KIF13A: variants seen among roughly 807,000 people sequenced by gnomAD.
KIF13A encodes kinesin family member 13A.
In KIF13A, 79 loss-of-function variants were observed where a neutral mutation model predicts 212.2. That is an observed-to-expected ratio of 0.37 (90% CI 0.31 to 0.45). The LOEUF (loss-of-function observed/expected upper bound fraction) is 0.45, where lower values mean the gene tolerates loss of function less well. KIF13A is among the 20% of genes least tolerant of loss of function. KIF13A has a pLI of 1.00. For missense variants in KIF13A, 1,901 were observed against 2,209.0 expected (o/e 0.86, Z 2.79); for synonymous variants, 789 against 808.6 (o/e 0.98, Z 0.41).
rs942791978 is a variant in KIF13A at position 17,895,678 on chromosome 6, C to T, written c.159+2490G>A. Among the ~76,000 whole-genome samples, 1 of 152,198 alleles carries T rather than the reference C, an allele frequency of 6.6e-6. No homozygotes were observed. The highest frequency in any genetic ancestry group is 1.5e-5 in the Non-Finnish European group (1 of 68,036). ...GCCCCACAAAGCAGTCAGCAATATGCATTTGCTCTGTCTTTAAGCCGCTCC... is the reference window on the plus strand; with the variant it reads ...GCCCCACAAAGCAGTCAGCAATATGTATTTGCTCTGTCTTTAAGCCGCTCC... On this transcript the variant is annotated intron_variant, in intron 3 of 38. Transcript: ENST00000259711. This position sits in a 1 kb window ranked among gnomAD's most constrained non-coding sequence, Gnocchi z 4.4.
rs1203759872 is a variant in KIF13A, at chr6:17,919,439, T to C, written c.147-21259A>G. The stretch of plus-strand genomic sequence containing the variant: ...AACTTAGGGAAACAAACTAGCAGAT[T>C]ATAAATTTCCAAAGGGCTCATCTAA... On this transcript the variant is annotated intron_variant, in intron 2 of 38. Coordinates refer to ENST00000259711, the MANE Select transcript of KIF13A (RefSeq NM_022113.6). This position sits in a 1 kb window ranked among gnomAD's most constrained non-coding sequence, Gnocchi z 4.1. 2.0e-5 allele frequency among the ~76,000 whole-genome samples: 3 copies of C among 152,222 alleles called. No individual in the cohort carries two copies. Among genetic ancestry groups the C allele is most frequent in the Non-Finnish European group, 4.4e-5 (3 of 68,038 alleles).
rs1241862677 is a variant in KIF13A, at chr6:17,804,608, A to C, written c.2305-98T>G. On this transcript the variant is annotated intron_variant, in intron 19 of 38. Transcript: ENST00000259711. ...CTAGCATTTGAAAAAAAATTTAAAGAATCTATCCATTTAAACAGCAAGTAA... is the reference window on the plus strand; with the variant it reads ...CTAGCATTTGAAAAAAAATTTAAAGCATCTATCCATTTAAACAGCAAGTAA... 9 of 1,167,910 alleles carry C rather than the reference A, an allele frequency of 7.7e-6. No homozygotes were observed. The African/African-American group carries it at 1.2e-4, about 16-fold the overall frequency. 72.3% of individuals were successfully genotyped at this position (1,167,910 alleles called of 1,614,324 possible).
rs1337999393 is a variant in KIF13A, at chr6:17,828,165, A to G, written c.1532+75T>C. The G allele has an allele frequency of 3.4e-6, 5 of 1,470,276 alleles. No homozygotes were observed. The highest frequency in any genetic ancestry group is 4.6e-6 in the Non-Finnish European group (5 of 1,084,958). 91.1% of individuals were successfully genotyped at this position (1,470,276 alleles called of 1,614,324 possible). A position where few individuals can be genotyped will look rare whatever the true frequency, so the allele number is the denominator to read the frequency against. On this transcript the variant is annotated intron_variant, in intron 14 of 38. Transcript: ENST00000259711. The surrounding 1 kb of genome is among the most constrained non-coding windows in gnomAD (Gnocchi z 4.3). Reference sequence around the variant, plus strand: ...CTTAACTTTAATATAGCTGAAAGCAAACAGAAAGAGGCAGCCTTCTCCTTC... The same window carrying G: ...CTTAACTTTAATATAGCTGAAAGCAGACAGAAAGAGGCAGCCTTCTCCTTC...
chr6:17,984,179 A>C lies in KIF13A; in HGVS notation c.146+2875T>G, dbSNP rs1251661365. ...AATTATGTGGTTCATGAAATGGCAA[A>C]AGTATACACCAGCGTAATTTACCAC... On this transcript the variant is annotated intron_variant, in intron 2 of 38. Transcript: ENST00000259711. The surrounding 1 kb of genome is among the most constrained non-coding windows in gnomAD (Gnocchi z 5.0). 6.6e-6 allele frequency among the ~76,000 whole-genome samples: 1 copy of C among 152,168 alleles called. No individual in the cohort carries two copies. Among genetic ancestry groups the C allele is most frequent in the Non-Finnish European group, 1.5e-5 (1 of 68,032 alleles).
At chr6:17,931,701 G>A (rs1775999531) in intron 2 of KIF13A, among the ~76,000 whole-genome samples, 1 of 152,074 alleles carries the variant, frequency 6.6e-6, no homozygotes, top group African/African-American at 2.4e-5. Flanking sequence ...AAGCTCTGTG[G>A]TCATAAATGA....
chr6:17,906,151 C>T (rs1465893661), intron 2 of KIF13A, among the ~76,000 whole-genome samples: 2 of 152,138 alleles, frequency 1.3e-5, no homozygotes, highest in Non-Finnish European at 2.9e-5. Flanking sequence ...ATCAAACCTA[C>T]AATCACTACA....
chr6:17,869,891 C>T (rs949769622), intron 4 of KIF13A, among the ~76,000 whole-genome samples: 9 of 152,160 alleles, frequency 5.9e-5, no homozygotes, highest in South Asian at 2.1e-4. Flanking sequence ...CATTATTCAT[C>T]GAGCCTGACA....
At chr6:17,846,604 T>TA (rs11431431) in intron 9 of KIF13A, among the ~76,000 whole-genome samples, 46,186 of 126,154 alleles carry the variant, frequency 0.37, 8,412 homozygotes, top group East Asian at 0.55. Flanking sequence ...CCCATTTCTT[T>TA]AAAAAAAAAA....
Position 17,800,130 on chromosome 6 carries a change from G to T in KIF13A, c.2455-17C>A. The T allele has an allele frequency of 6.2e-7, 1 of 1,610,092 alleles. No homozygotes were observed. Among genetic ancestry groups the T allele is most frequent in the South Asian group, 1.1e-5 (1 of 90,684 alleles). On this transcript the variant is annotated splice_polypyrimidine_tract_variant and intron_variant, in intron 20 of 38. Transcript: ENST00000259711. ...CCCTGCAACCTGGGTCAAGGAACCA[G>T]AGCACCTTAGAGTGAACAGACATCC...
At chr6:17,942,335 A>AATATAT (rs10599616) in intron 2 of KIF13A, among the ~76,000 whole-genome samples, 131 of 145,614 alleles carry the variant, frequency 9.0e-4, no homozygotes, top group African/African-American at 1.2e-3. Flanking sequence ...AACAACAACA[A>AATATAT]ATATATATAT....
Position 17,796,826 on chromosome 6 carries a change from A to G in KIF13A, c.2791-6T>C. The G allele has an allele frequency of 6.7e-7, 1 of 1,491,404 alleles. No individual in the cohort carries two copies. Among genetic ancestry groups the G allele is most frequent in the Non-Finnish European group, 9.0e-7 (1 of 1,114,984 alleles). 92.4% of individuals were successfully genotyped at this position (1,491,404 alleles called of 1,614,324 possible). A position where few individuals can be genotyped will look rare whatever the true frequency, so the allele number is the denominator to read the frequency against. On this transcript the variant is annotated splice_polypyrimidine_tract_variant and splice_region_variant and intron_variant, in intron 22 of 38. Coordinates refer to ENST00000259711, the MANE Select transcript of KIF13A (RefSeq NM_022113.6). Reference sequence around the variant, plus strand: ...GTTACATTCACCACATAGTCCTGGGATAAGTGGGGGAAAGCAAAAGAATTA... The same window carrying G: ...GTTACATTCACCACATAGTCCTGGGGTAAGTGGGGGAAAGCAAAAGAATTA...
At chr6:17,956,071 C>T (rs1337846354) in intron 2 of KIF13A, among the ~76,000 whole-genome samples, 2 of 152,140 alleles carry the variant, frequency 1.3e-5, no homozygotes, top group African/African-American at 4.8e-5. Context: ...AGCAAAGCAA[C>T]GGACTTAGGT....
chr6:17,808,767 C>T lies in KIF13A; in HGVS notation c.2163+1G>A. 6.2e-7 allele frequency: 1 copy of T among 1,609,628 alleles called. No individual in the cohort carries two copies. Among genetic ancestry groups the T allele is most frequent in the Non-Finnish European group, 8.5e-7 (1 of 1,178,284 alleles). On this transcript the variant is annotated splice_donor_variant, in intron 18 of 38. Coordinates refer to ENST00000259711, the MANE Select transcript of KIF13A (RefSeq NM_022113.6). LOFTEE classifies it high-confidence loss of function. ...CCCTCTCACTTGAAGGACATTCTTA[C>T]CTTCCTATTGGCACTGAGGTTTGCA...
chr6:17,923,644 T>C lies in KIF13A; in HGVS notation c.147-25464A>G, dbSNP rs1267949361. 3.9e-5 allele frequency among the ~76,000 whole-genome samples: 6 copies of C among 152,088 alleles called. No homozygotes were observed. The East Asian group carries it at 1.2e-3, about 29-fold the overall frequency. On this transcript the variant is annotated intron_variant, in intron 2 of 38. Transcript: ENST00000259711. ...CAATTACTGCATTAAGAAACATACATTTTCAAATGACACTTAAGATAAATG... is the reference window on the plus strand; with the variant it reads ...CAATTACTGCATTAAGAAACATACACTTTCAAATGACACTTAAGATAAATG...
chr6:17,845,793 GGCAGTAGGCCAC>G (rs531727657), intron 9 of KIF13A, among the ~76,000 whole-genome samples: 15 of 152,210 alleles, frequency 9.9e-5, no homozygotes, highest in Non-Finnish European at 1.8e-4. Flanking sequence ...AACACTCCCT[GGCAGTAGGCCAC>G]GCAGTGTCTT....
chr6:17,805,588 T>A lies in KIF13A; in HGVS notation c.2191A>T (p.Ile731Phe), dbSNP rs1427947280. Reference sequence around the variant, plus strand: ...CTCTTTCCTTTCCTCCTCACTTGGATAGCTGGTTCACTCACTATTGCACCT... The same window carrying A: ...CTCTTTCCTTTCCTCCTCACTTGGAAAGCTGGTTCACTCACTATTGCACCT... ...KRGAIVSEPA[I>F]QVRRKGKSTQ... The change falls in exon 19 of 39, where the codon ATC (isoleucine) becomes TTC (phenylalanine). Residue 731 changes from isoleucine (I) to phenylalanine (F), a missense_variant. Ile to Phe is a conservative substitution (Grantham distance 21). Coordinates refer to ENST00000259711, the MANE Select transcript of KIF13A (RefSeq NM_022113.6). 1.2e-6 allele frequency: 2 copies of A among 1,610,836 alleles called. No individual in the cohort carries two copies. The highest frequency in any genetic ancestry group is 1.7e-6 in the Non-Finnish European group (2 of 1,177,976).
chr6:17,796,833 G>A lies in KIF13A; in HGVS notation c.2791-13C>T, dbSNP rs186241642. The A allele has an allele frequency of 8.9e-4, 1,304 of 1,467,210 alleles. 1 individual carries two copies. The highest frequency in any genetic ancestry group is 1.1e-3 in the Non-Finnish European group (1,224 of 1,100,728). 90.9% of individuals were successfully genotyped at this position (1,467,210 alleles called of 1,614,324 possible). Reference sequence around the variant, plus strand: ...TCACCACATAGTCCTGGGATAAGTGGGGGAAAGCAAAAGAATTATGCTTAA... The same window carrying A: ...TCACCACATAGTCCTGGGATAAGTGAGGGAAAGCAAAAGAATTATGCTTAA... On this transcript the variant is annotated splice_polypyrimidine_tract_variant and intron_variant, in intron 22 of 38. Coordinates refer to ENST00000259711, the MANE Select transcript of KIF13A (RefSeq NM_022113.6).
chr6:17,830,503 G>A (rs1220715363), intron 13 of KIF13A, among the ~76,000 whole-genome samples: 2 of 152,140 alleles, frequency 1.3e-5, no homozygotes, highest in African/African-American at 4.8e-5. Flanking sequence ...GAAAATTTGA[G>A]AAATGCTACA....
At position 17,787,751 on chromosome 6, in the gene KIF13A, C is replaced by CA; in HGVS notation, c.3361+24dup. 1 of 1,356,332 alleles carries CA rather than the reference C, an allele frequency of 7.4e-7. No individual in the cohort carries two copies. The highest frequency in any genetic ancestry group is 1.1e-6 in the Non-Finnish European group (1 of 945,144). 84.0% of individuals were successfully genotyped at this position (1,356,332 alleles called of 1,614,324 possible). A position where few individuals can be genotyped will look rare whatever the true frequency, so the allele number is the denominator to read the frequency against. On this transcript the variant is annotated intron_variant, in intron 27 of 38. Transcript: ENST00000259711. This position sits in a 1 kb window ranked among gnomAD's most constrained non-coding sequence, Gnocchi z 4.6. The stretch of plus-strand genomic sequence containing the variant: ...GTGTAAAAGTGAAAAAGCTACTCCC[C>CA]ATAAAAGAGTTTGATCTCACATACC...
Sources: gnomAD v4.1 joint callset for allele counts (sites outside exome capture counted in the v4.1 genomes callset) on GRCh38, gnomAD v4.1.1 for gene constraint, Gnocchi (gnomAD v3.1) non-coding constraint, MANE v1.5 for transcripts, NCBI Gene and HGNC (gene_info 2026-07-23, HGNC 2026-07-21) for gene names.